GPHN: variants seen among roughly 807,000 people sequenced by gnomAD.
The protein encoded by GPHN is gephyrin.
Under a neutral mutation model 95.5 loss-of-function variants are expected in GPHN, and 17 were observed. The ratio of observed to expected loss-of-function variants is 0.18; its 90% CI spans 0.12 to 0.27. The LOEUF (loss-of-function observed/expected upper bound fraction) is 0.27. GPHN is among the 10% of genes least tolerant of loss of function. The pLI is 1.00. For missense variants in GPHN, 660 were observed against 978.1 expected, an observed-to-expected ratio of 0.67 and a Z score of 4.34; for synonymous variants, 320 against 322.5, an observed-to-expected ratio of 0.99 and a Z score of 0.08.
At chr14:67,318,782 G>A in the GPHN span, among the ~76,000 whole-genome samples, 1 of 152,174 alleles carries the variant, frequency 6.6e-6, no homozygotes, top group South Asian at 2.1e-4. Context: ...ATTAGGCCGG[G>A]CGCGGTGGGT....
rs552525028 is a variant in GPHN at position 67,152,959 on chromosome 14, G to A, written c.1837-6456G>A. Among the ~76,000 whole-genome samples the A allele has an allele frequency of 8.8e-5, 11 of 125,668 alleles. No homozygotes were observed. In the East Asian group the frequency reaches 1.2e-3, roughly 14 times the overall value. The allele number at this position is 125,668 out of a possible 152,430, so 82.4% of individuals were successfully genotyped here. ...CAGCCTGGTGACAGAGCGAGACTCC[G>A]TGTCAAAAAAAAAAAAGGTTCACTG... On this transcript the variant is annotated intron_variant, in intron 18 of 22. Coordinates refer to ENST00000478722, the MANE Select transcript of GPHN (RefSeq NM_020806.5).
chr14:66,895,776 G>A (rs1196049484), intron 5 of GPHN, among the ~76,000 whole-genome samples: 1 of 152,070 alleles, frequency 6.6e-6, no homozygotes, highest in African/African-American at 2.4e-5. Context: ...ATATACTCTG[G>A]CAGAAGAAAA....
chr14:67,524,155 A>G, the GPHN span, among the ~76,000 whole-genome samples: 1 of 152,284 alleles, frequency 6.6e-6, no homozygotes, highest in East Asian at 1.9e-4. Context: ...TTTTTTAATA[A>G]GTGAAATCTC....
intron 1 of GPHN, among the ~76,000 whole-genome samples, chr14:66,639,293 T>TA (rs907375867): frequency 9.9e-5 from 15 of 151,988 alleles, no homozygotes; most frequent in East Asian, 9.7e-4. Context: ...GCTAAAGGTT[T>TA]AAAAAAAATT....
chr14:66,640,311 G>A (rs28582461), intron 1 of GPHN, among the ~76,000 whole-genome samples: 50,343 of 151,994 alleles, frequency 0.33, 12,345 homozygotes, highest in African/African-American at 0.67. Flanking sequence ...AATCCCAGCT[G>A]TTCAGGAGGC....
At chr14:66,606,137 A>G (rs2062521868) in intron 1 of GPHN, among the ~76,000 whole-genome samples, 1 of 152,140 alleles carries the variant, frequency 6.6e-6, no homozygotes, top group Admixed American at 6.5e-5. Context: ...TCTTATCTTT[A>G]CATCTTTAAT....
the GPHN span, among the ~76,000 whole-genome samples, chr14:67,193,926 C>G: frequency 9.7e-5 from 12 of 123,708 alleles, no homozygotes; most frequent in African/African-American, 3.8e-4. Flanking sequence ...GCCTGTGTGA[C>G]AGAGCAAGAC....
intron 13 of GPHN, among the ~76,000 whole-genome samples, chr14:67,103,065 T>G (rs2077807230): frequency 6.6e-6 from 1 of 152,090 alleles, no homozygotes; most frequent in Admixed American, 6.5e-5. Context: ...GGAGGGAGGT[T>G]GTTCTTGGTT....
the GPHN span, among the ~76,000 whole-genome samples, chr14:67,479,606 T>C: frequency 1.3e-5 from 2 of 151,874 alleles, no homozygotes; most frequent in Non-Finnish European, 2.9e-5. Context: ...TAATCCCAGC[T>C]ACTCGGGAGG....
At chr14:66,955,436 C>T (rs1365190252) in intron 8 of GPHN, among the ~76,000 whole-genome samples, 2 of 152,136 alleles carry the variant, frequency 1.3e-5, no homozygotes, top group Non-Finnish European at 2.9e-5. Context: ...ATCTGGTAGT[C>T]ATTTCATTTC....
chr14:66,922,883 C>T lies in GPHN; in HGVS notation c.674C>T (p.Ala225Val). The T allele has an allele frequency of 6.2e-7, 1 of 1,613,428 alleles. No individual in the cohort carries two copies. The highest frequency in any genetic ancestry group is 8.5e-7 in the Non-Finnish European group (1 of 1,179,616). ...EEEEKKDSGV[A>V]STEDSSSSHI... ...GAAGAGAAGAAAGACAGTGGTGTTG[C>T]TTCAACAGAAGATAGTTCCTCATCA... Residue 225 changes from alanine to valine, a missense_variant, in exon 7 of 23, where the codon GCT becomes GTT. By Grantham distance (64) the Ala-to-Val change is moderately conservative. Coordinates refer to ENST00000478722, the MANE Select transcript of GPHN (RefSeq NM_020806.5).
the GPHN span, among the ~76,000 whole-genome samples, chr14:67,497,854 G>C: frequency 1.3e-5 from 2 of 152,044 alleles, no homozygotes; most frequent in African/African-American, 4.8e-5. Flanking sequence ...TACATTCTCG[G>C]TGAGTCTATG....
At chr14:67,287,157 T>G in the GPHN span, among the ~76,000 whole-genome samples, 1 of 152,106 alleles carries the variant, frequency 6.6e-6, no homozygotes. Flanking sequence ...AGCTCAGGAC[T>G]GCAGTGAGCC....
chr14:67,712,493 CAAAAA>C, the GPHN span, among the ~76,000 whole-genome samples: 31 of 38,946 alleles, frequency 8.0e-4, no homozygotes, highest in East Asian at 5.4e-3. Flanking sequence ...AAAAAACTTG[CAAAAA>C]AAAAAAAAAA....
At chr14:66,981,480 C>A (rs1435788141) in intron 9 of GPHN, among the ~76,000 whole-genome samples, 2 of 151,992 alleles carry the variant, frequency 1.3e-5, no homozygotes, top group African/African-American at 2.4e-5. Context: ...AAAAAAAAAT[C>A]TCTTTCTCCA....
the GPHN span, among the ~76,000 whole-genome samples, chr14:67,450,568 G>A: frequency 6.6e-6 from 1 of 152,230 alleles, no homozygotes; most frequent in African/African-American, 2.4e-5. Context: ...TTACGTCTTA[G>A]TAAAGAGAAT....
chr14:67,304,766 CAT>C, the GPHN span, among the ~76,000 whole-genome samples: 54 of 152,148 alleles, frequency 3.5e-4, no homozygotes, highest in Admixed American at 3.1e-3. Context: ...CAATTGTGTA[CAT>C]GAGTGAATTG....
At chr14:67,472,565 G>C in the GPHN span, 4 of 152,510 alleles carry the variant, frequency 2.6e-5, no homozygotes, top group African/African-American at 7.3e-5. Context: ...CAGGCATCAG[G>C]CCAGCCGGAA....
intron 9 of GPHN, among the ~76,000 whole-genome samples, chr14:67,000,338 A>G (rs979839533): frequency 3.3e-5 from 5 of 151,686 alleles, no homozygotes; most frequent in African/African-American, 4.8e-5. Flanking sequence ...ACACCATACC[A>G]TTTTCTATTT....
Sources: allele counts gnomAD v4.1 joint callset (sites outside exome capture counted in the v4.1 genomes callset), GRCh38; gene constraint gnomAD v4.1.1; transcripts MANE v1.5; gene names NCBI Gene and HGNC (gene_info 2026-07-23, HGNC 2026-07-21).